USP47: variants seen among roughly 807,000 people sequenced by gnomAD.
USP47 encodes the protein ubiquitin specific peptidase 47.
Under a neutral mutation model 165.1 loss-of-function variants are expected in USP47, and 35 were observed. The ratio of observed to expected loss-of-function variants is 0.21; its 90% CI spans 0.16 to 0.28. The LOEUF is 0.28. USP47 is among the 10% of genes least tolerant of loss of function. The pLI, the probability that USP47 is intolerant of heterozygous loss-of-function variation, is 1.00. For synonymous variants in USP47, 531 were observed against 544.5 expected (o/e 0.98, Z 0.35); for missense variants, 1,277 against 1,607.4 (o/e 0.79, Z 3.52).
At chr11:11,897,795 T>C in intron 5 of USP47, 102 bp downstream of exon 5, 1 of 758,662 alleles carries the variant, frequency 1.3e-6, no homozygotes, top group Non-Finnish European at 2.2e-6. Flanking sequence ...GTTTGGGGCA[T>C]TTCTCACACC....
chr11:11,868,796 A>T lies in USP47; in HGVS notation c.40-11381A>T, dbSNP rs957188045. The stretch of plus-strand genomic sequence containing the variant: ...TACTTTGCCAGTATTTGATGTTGCT[A>T]TTTTTTTTTTATTTTAACCATTCTG... On this transcript the variant is annotated intron_variant, in intron 1 of 27. Coordinates refer to ENST00000527733, the MANE Select transcript of USP47 (RefSeq NM_001282659.2). Among the ~76,000 whole-genome samples, 3 of 146,770 alleles carry T rather than the reference A, an allele frequency of 2.0e-5. No individual in the cohort carries two copies. In the East Asian group the frequency reaches 6.0e-4, roughly 29 times the overall value.
In USP47 at chr11:11,956,025, A is replaced by G; in HGVS notation, c.3918A>G (p.Glu1306=). Residue 1306 remains glutamate, a synonymous_variant, in exon 28 of 28, where the codon GAA becomes GAG. Coordinates refer to ENST00000527733, the MANE Select transcript of USP47 (RefSeq NM_001282659.2). The part of the protein sequence containing the change: ...FYRDKTEELM[E]LTDEQRNELM... Reference sequence around the variant, plus strand: ...GGGATAAAACAGAAGAATTAATGGAATTGACAGATGAGCAAAGAAATGAAC... The same window carrying G: ...GGGATAAAACAGAAGAATTAATGGAGTTGACAGATGAGCAAAGAAATGAAC... The G allele has an allele frequency of 6.3e-7, 1 of 1,581,324 alleles. No homozygotes were observed. Among genetic ancestry groups the G allele is most frequent in the Non-Finnish European group, 8.6e-7 (1 of 1,168,708 alleles).
In USP47 at chr11:11,907,438, G is replaced by T. The variant is rs138927424; in HGVS notation, c.969+1890G>T. 5.1e-4 allele frequency among the ~76,000 whole-genome samples: 78 copies of T among 152,318 alleles called. 1 individual carries two copies. The East Asian group carries it at 0.011, about 22-fold the overall frequency. On this transcript the variant is annotated intron_variant, in intron 8 of 27. Coordinates refer to ENST00000527733, the MANE Select transcript of USP47 (RefSeq NM_001282659.2). ...GCAGGTGAAACTACCCAAGATAGGG[G>T]TTCTAAGGAGGATACTACCTTCGGA... is the stretch of plus-strand genomic sequence containing the variant.
At chr11:11,917,368 A>G (rs1322211638) in intron 8 of USP47, among the ~76,000 whole-genome samples, 1 of 152,210 alleles carries the variant, frequency 6.6e-6, no homozygotes, top group Non-Finnish European at 1.5e-5. Context: ...TCATTAGAGG[A>G]TGAGCTTAAC....
chr11:11,929,028 C>G (rs1854459729), intron 11 of USP47, among the ~76,000 whole-genome samples: 1 of 151,876 alleles, frequency 6.6e-6, no homozygotes, highest in Non-Finnish European at 1.5e-5. Flanking sequence ...TTCCTCAGCT[C>G]TTTTGTAAAG....
rs879556356 is a variant in USP47, at chr11:11,841,990, AGCG to A, written c.-179_-177del. The A allele has an allele frequency of 3.9e-3, 1,995 of 512,866 alleles. No homozygotes were observed. The highest frequency in any genetic ancestry group is 7.0e-3 in the South Asian group (235 of 33,512). The allele number at this position is 512,866 out of a possible 1,614,324, so 31.8% of individuals were successfully genotyped here. A position where few individuals can be genotyped will look rare whatever the true frequency, so the allele number is the denominator to read the frequency against. On this transcript the variant is annotated 5_prime_UTR_variant, in exon 1 of 28. Coordinates refer to ENST00000527733, the MANE Select transcript of USP47 (RefSeq NM_001282659.2). ...GGCCGACGACGAAGGCGGCTGTGGT[AGCG>A]GCGGCGGCGGCGGCGGAGCCCTGGG...
chr11:11,898,766 C>T (rs549125097), intron 5 of USP47, among the ~76,000 whole-genome samples: 1 of 152,196 alleles, frequency 6.6e-6, no homozygotes, highest in Admixed American at 6.5e-5. Flanking sequence ...TCAGGTAGGT[C>T]ATGAAGCTAG....
intron 4 of USP47, 21 bp downstream of exon 4, chr11:11,892,127 A>C (rs1244535507): frequency 6.2e-7 from 1 of 1,607,730 alleles, no homozygotes; most frequent in Non-Finnish European, 8.5e-7. Context: ...TTGTATTTTC[A>C]TAAAATCATA....
intron 11 of USP47, among the ~76,000 whole-genome samples, chr11:11,927,182 T>C (rs994944911): frequency 1.3e-5 from 2 of 151,936 alleles, no homozygotes; most frequent in Non-Finnish European, 2.9e-5. Flanking sequence ...CTTATCCTTG[T>C]TCCTCTATAG....
intron 1 of USP47, chr11:11,856,940 C>G (rs1321922266): frequency 6.6e-6 from 1 of 152,166 alleles, no homozygotes; most frequent in Non-Finnish European, 1.5e-5. Context: ...AAAGGTGACA[C>G]CGTGCTAGGC....
chr11:11,884,994 G>A (rs146505867), intron 3 of USP47, among the ~76,000 whole-genome samples: 184 of 152,244 alleles, frequency 1.2e-3, no homozygotes, highest in African/African-American at 3.9e-3. Flanking sequence ...GGTCATTTCC[G>A]TTCTCACTTC....
chr11:11,884,686 A>AC, intron 3 of USP47, 106 bp downstream of exon 3: 2 of 726,390 alleles, frequency 2.8e-6, no homozygotes, highest in Non-Finnish European at 4.5e-6. Flanking sequence ...TAATTTGTGT[A>AC]ATAAATTAAT....
chr11:11,911,415 A>C (rs1264833783), intron 8 of USP47, among the ~76,000 whole-genome samples: 1 of 152,182 alleles, frequency 6.6e-6, no homozygotes, highest in Non-Finnish European at 1.5e-5. Context: ...TGAGTAGCTG[A>C]GCAAACCCCA....
intron 4 of USP47, among the ~76,000 whole-genome samples, chr11:11,892,919 A>G (rs1367413257): frequency 6.6e-6 from 1 of 151,942 alleles, no homozygotes; most frequent in Non-Finnish European, 1.5e-5. Flanking sequence ...GACTTCCTCC[A>G]GAAAGGAAAG....
intron 1 of USP47, among the ~76,000 whole-genome samples, chr11:11,867,154 T>C (rs1189159272): frequency 6.6e-6 from 1 of 152,128 alleles, no homozygotes; most frequent in Non-Finnish European, 1.5e-5. Context: ...ACCCGGCCCT[T>C]TCAAAGTGTT....
At chr11:11,844,343 AT>A (rs1194515718) in intron 1 of USP47, among the ~76,000 whole-genome samples, 1 of 152,048 alleles carries the variant, frequency 6.6e-6, no homozygotes, top group East Asian at 1.9e-4. Context: ...TGTATTCTTA[AT>A]TGGCACTTTT....
At chr11:11,869,268 T>C (rs1849878634) in intron 1 of USP47, among the ~76,000 whole-genome samples, 2 of 152,194 alleles carry the variant, frequency 1.3e-5, no homozygotes, top group Admixed American at 1.3e-4. Context: ...ATGTTTATGA[T>C]CCACATTTAT....
At chr11:11,871,927 T>A (rs1482646415) in intron 1 of USP47, among the ~76,000 whole-genome samples, 1 of 152,152 alleles carries the variant, frequency 6.6e-6, no homozygotes, top group African/African-American at 2.4e-5. Flanking sequence ...TTTCATACAT[T>A]GGGAGATAAG....
intron 4 of USP47, among the ~76,000 whole-genome samples, chr11:11,892,547 C>A (rs988745751): frequency 6.6e-6 from 1 of 151,248 alleles, no homozygotes; most frequent in African/African-American, 2.4e-5. Context: ...CAGTGGCTAA[C>A]ACCTATAATC....
Sources: gnomAD v4.1 joint callset for allele counts (sites outside exome capture counted in the v4.1 genomes callset) on GRCh38, gnomAD v4.1.1 for gene constraint, MANE v1.5 for transcripts, NCBI Gene and HGNC (gene_info 2026-07-23, HGNC 2026-07-21) for gene names.